The following SGIP1 variants were observed in gnomAD, a reference collection of about 807,000 sequenced individuals.
SGIP1 encodes SH3GL interacting endocytic adaptor 1.
A neutral mutation model predicts 107.5 loss-of-function variants in SGIP1; 38 were observed. The ratio of observed to expected loss-of-function variants is 0.35; its 90% CI spans 0.27 to 0.46. The LOEUF is 0.46. Ranked by LOEUF, SGIP1 falls within the 20% of genes least tolerant of loss-of-function variation. The pLI is 1.00. For missense variants in SGIP1, 929 were observed against 1,019.5 expected (o/e 0.91, Z 1.21); for synonymous variants, 365 against 366.1 (o/e 1.00, Z 0.03).
chr1:66,647,341 C>T (rs537519470), intron 7 of SGIP1, among the ~76,000 whole-genome samples: 221 of 152,226 alleles, frequency 1.5e-3, no homozygotes, highest in African/African-American at 5.1e-3. Flanking sequence ...AGAAGTTGCG[C>T]GCATCACTAC....
At chr1:66,631,035 G>GGAA in intron 2 of SGIP1, among the ~76,000 whole-genome samples, 1 of 112,114 alleles carries the variant, frequency 8.9e-6, no homozygotes, top group African/African-American at 3.6e-5. Context: ...AAGGAAGGAA[G>GGAA]GAAGAAAGGA....
chr1:66,581,269 A>C (rs1175556825), intron 1 of SGIP1, among the ~76,000 whole-genome samples: 1 of 152,032 alleles, frequency 6.6e-6, no homozygotes, highest in African/African-American at 2.4e-5. Flanking sequence ...GTATATTTTT[A>C]AATTCTAGCT....
chr1:66,715,284 G>A (rs932625826), intron 18 of SGIP1, among the ~76,000 whole-genome samples: 1 of 152,046 alleles, frequency 6.6e-6, no homozygotes, highest in Non-Finnish European at 1.5e-5. Flanking sequence ...AACACAAAAT[G>A]GCATATCAAT....
rs751357402 is a variant in SGIP1, at chr1:66,679,758, C to A, written c.814+6C>A. The A allele has an allele frequency of 3.1e-6, 5 of 1,590,420 alleles. No homozygotes were observed. The highest frequency in any genetic ancestry group is 4.3e-6 in the Non-Finnish European group (5 of 1,173,814). Reference sequence around the variant, plus strand: ...CCCCTTAACAATTGGACCAGGTACGCTTTTGTTTTTTCAGTTCTGGGATGA... The same window carrying A: ...CCCCTTAACAATTGGACCAGGTACGATTTTGTTTTTTCAGTTCTGGGATGA... On this transcript the variant is annotated splice_donor_region_variant and intron_variant, in intron 14 of 24. Transcript: ENST00000371037.
chr1:66,586,522 T>A (rs1173602669), intron 1 of SGIP1, among the ~76,000 whole-genome samples: 1 of 152,170 alleles, frequency 6.6e-6, no homozygotes, highest in Non-Finnish European at 1.5e-5. Context: ...ACATCATATT[T>A]ACATAACTTA....
intron 1 of SGIP1, among the ~76,000 whole-genome samples, chr1:66,543,927 C>T (rs1447689455): frequency 6.6e-6 from 1 of 151,956 alleles, no homozygotes; most frequent in African/African-American, 2.4e-5. Flanking sequence ...ACCTATATAC[C>T]CATGGTAAAG....
intron 20 of SGIP1, among the ~76,000 whole-genome samples, chr1:66,731,393 T>G (rs1386335821): frequency 6.6e-6 from 1 of 152,228 alleles, no homozygotes; most frequent in Admixed American, 6.5e-5. Flanking sequence ...TAGGCAGTTA[T>G]GTTGCCAAGT....
At chr1:66,616,658 G>A (rs1481432141) in intron 1 of SGIP1, among the ~76,000 whole-genome samples, 1 of 152,170 alleles carries the variant, frequency 6.6e-6, no homozygotes, top group African/African-American at 2.4e-5. Flanking sequence ...CTTAACAGAA[G>A]TTGACCACCT....
chr1:66,728,300 G>C (rs977041354), intron 19 of SGIP1, among the ~76,000 whole-genome samples: 1 of 152,158 alleles, frequency 6.6e-6, no homozygotes, highest in Non-Finnish European at 1.5e-5. Context: ...CAAATATGCT[G>C]CCAAAGATTC....
At chr1:66,728,200 A>G (rs1157603168) in intron 19 of SGIP1, among the ~76,000 whole-genome samples, 2 of 152,232 alleles carry the variant, frequency 1.3e-5, no homozygotes, top group Admixed American at 6.5e-5. Flanking sequence ...ACATAAAACA[A>G]CATGCTAAAG....
intron 7 of SGIP1, among the ~76,000 whole-genome samples, chr1:66,654,633 A>AG (rs1214547857): frequency 1.3e-5 from 2 of 152,184 alleles, no homozygotes; most frequent in African/African-American, 4.8e-5. Context: ...TTATTGTTTT[A>AG]GAAAAAAAAA....
chr1:66,540,628 A>G (rs2054701694), intron 1 of SGIP1, among the ~76,000 whole-genome samples: 1 of 152,236 alleles, frequency 6.6e-6, no homozygotes, highest in South Asian at 2.1e-4. Flanking sequence ...ATTTGTGTGT[A>G]CAGTGGCAAT....
intron 1 of SGIP1, among the ~76,000 whole-genome samples, chr1:66,546,730 G>T (rs78413525): frequency 1.1e-4 from 17 of 152,140 alleles, no homozygotes; most frequent in African/African-American, 4.1e-4. Flanking sequence ...TTTAAATAAG[G>T]CTTTAACATT....
At chr1:66,672,309 T>C (rs1020153205) in intron 11 of SGIP1, among the ~76,000 whole-genome samples, 3 of 152,182 alleles carry the variant, frequency 2.0e-5, no homozygotes, top group Admixed American at 6.5e-5. Context: ...TGATCTTCAA[T>C]ATCATTATAT....
chr1:66,622,406 C>T (rs754548647), intron 1 of SGIP1, among the ~76,000 whole-genome samples: 1 of 152,172 alleles, frequency 6.6e-6, no homozygotes, highest in Non-Finnish European at 1.5e-5. Context: ...TTTCTTTCTA[C>T]TCTGTATTTT....
Position 66,743,100 on chromosome 1 carries a change from A to T in SGIP1, c.*5A>T. ...AAATACTTGGCAGATAACTAATGAA[A>T]TCTTATGCAAGGATTTGGAGGATTC... On this transcript the variant is annotated 3_prime_UTR_variant, in exon 25 of 25. Transcript: ENST00000371037. 1 of 1,613,178 alleles carries T rather than the reference A, an allele frequency of 6.2e-7. No individual in the cohort carries two copies. Among genetic ancestry groups the T allele is most frequent in the Non-Finnish European group, 8.5e-7 (1 of 1,179,544 alleles).
intron 1 of SGIP1, among the ~76,000 whole-genome samples, chr1:66,622,863 A>C (rs2149284352): frequency 6.6e-6 from 1 of 152,292 alleles, no homozygotes; most frequent in Admixed American, 6.5e-5. Context: ...AATAGTTGAC[A>C]AAAAAATTTG....
At chr1:66,713,150 G>A (rs927286222) in intron 18 of SGIP1, among the ~76,000 whole-genome samples, 1 of 152,052 alleles carries the variant, frequency 6.6e-6, no homozygotes, top group African/African-American at 2.4e-5. Flanking sequence ...AGGTGACAAT[G>A]GCAAGGCTAT....
chr1:66,725,521 T>A (rs1161242584), intron 19 of SGIP1, among the ~76,000 whole-genome samples: 1 of 152,206 alleles, frequency 6.6e-6, no homozygotes, highest in Non-Finnish European at 1.5e-5. Flanking sequence ...GAGGAAATCA[T>A]AAAGAAGCTC....
Sources: gnomAD v4.1 joint callset for allele counts (sites outside exome capture counted in the v4.1 genomes callset) on GRCh38, gnomAD v4.1.1 for gene constraint, MANE v1.5 for transcripts, NCBI Gene and HGNC (gene_info 2026-07-23, HGNC 2026-07-21) for gene names.